The following FRMD3 variants were observed in gnomAD, a reference collection of about 807,000 sequenced individuals.
FRMD3 encodes FERM domain-containing protein 3.
Under a neutral mutation model 70.2 loss-of-function variants are expected in FRMD3, and 33 were observed. That is an observed-to-expected ratio of 0.47 (90% CI 0.36 to 0.63). The LOEUF is 0.63. Ranked by LOEUF, FRMD3 falls within the 20% of genes least tolerant of loss-of-function variation. The pLI, the probability that FRMD3 is intolerant of heterozygous loss-of-function variation, is 0.00. For missense variants in FRMD3, 632 were observed against 711.4 expected, an observed-to-expected ratio of 0.89 and a Z score of 1.27; for synonymous variants, 279 against 255.9, an observed-to-expected ratio of 1.09 and a Z score of -0.86.
intron 3 of FRMD3, among the ~76,000 whole-genome samples, chr9:83,358,672 G>GTATTTATTTATTTATTTATT (rs34830442): frequency 7.0e-6 from 1 of 142,966 alleles, no homozygotes; most frequent in Non-Finnish European, 1.5e-5. Context: ...ATATTCTTAA[G>GTATTTATTTATTTATTTATT]TATTTATTTA....
intron 13 of FRMD3, among the ~76,000 whole-genome samples, chr9:83,280,661 G>A (rs1417861578): frequency 6.6e-6 from 1 of 151,912 alleles, no homozygotes; most frequent in Non-Finnish European, 1.5e-5. Flanking sequence ...CTTCTTTTGG[G>A]GAAAAAATAT....
rs1358996852 is a variant in FRMD3 at position 83,538,337 on chromosome 9, C to T, written c.-106G>A. 1.9e-5 allele frequency: 21 copies of T among 1,117,730 alleles called. No homozygotes were observed. Among genetic ancestry groups the T allele is most frequent in the Non-Finnish European group, 2.4e-5 (21 of 862,490 alleles). 69.2% of individuals were successfully genotyped at this position (1,117,730 alleles called of 1,614,324 possible). On this transcript the variant is annotated 5_prime_UTR_variant, in exon 1 of 14. It removes the in-frame stop codon of an upstream open reading frame in the 5' UTR. Coordinates refer to ENST00000304195, the MANE Select transcript of FRMD3 (RefSeq NM_174938.6). This position sits in a 1 kb window ranked among gnomAD's most constrained non-coding sequence, Gnocchi z 4.7. ...CTGTCCGGGACACCTGGGCGCGGCT[C>T]AGCCCCGGGACATCGGCAGCGTCGG... is the stretch of plus-strand genomic sequence containing the variant.
At chr9:83,439,837 A>G (rs1221991813) in intron 1 of FRMD3, among the ~76,000 whole-genome samples, 3 of 152,258 alleles carry the variant, frequency 2.0e-5, no homozygotes, top group Admixed American at 6.5e-5. Flanking sequence ...AGCAGTAAGC[A>G]GTAAGTAAAC....
chr9:83,507,712 A>C (rs1829227480), intron 1 of FRMD3, among the ~76,000 whole-genome samples: 1 of 102,380 alleles, frequency 9.8e-6, no homozygotes, highest in Admixed American at 1.0e-4. Context: ...ATATATATAT[A>C]TATATATATA....
the FRMD3 span, among the ~76,000 whole-genome samples, chr9:83,554,341 G>A: frequency 6.6e-6 from 1 of 152,216 alleles, no homozygotes; most frequent in African/African-American, 2.4e-5. Context: ...GCTCACTGCA[G>A]CTCTGGTGTG....
intron 13 of FRMD3, among the ~76,000 whole-genome samples, chr9:83,274,897 A>G (rs1368594697): frequency 6.6e-6 from 1 of 152,202 alleles, no homozygotes; most frequent in Non-Finnish European, 1.5e-5. Context: ...CTTCTGAGAT[A>G]GAATTCATAG....
chr9:83,373,660 G>C (rs1825052967), intron 2 of FRMD3, among the ~76,000 whole-genome samples: 1 of 100,886 alleles, frequency 9.9e-6, no homozygotes, highest in South Asian at 3.0e-4. Flanking sequence ...ACTTCGACAT[G>C]CTGAGAGCTG....
intron 6 of FRMD3, among the ~76,000 whole-genome samples, chr9:83,316,148 CTTTTTTTTTTTTCTT>C (rs1348714976): frequency 7.4e-6 from 1 of 134,502 alleles, no homozygotes; most frequent in East Asian, 2.1e-4. Context: ...TCTTTTTTCT[CTTTTTTTTTTTTCTT>C]TTTTTTTTTT....
chr9:83,258,379 CA>C (rs1270657925), intron 13 of FRMD3, among the ~76,000 whole-genome samples: 1 of 152,238 alleles, frequency 6.6e-6, no homozygotes, highest in Admixed American at 6.5e-5. Flanking sequence ...CAACAGAATC[CA>C]AATGCTACAG....
intron 1 of FRMD3, among the ~76,000 whole-genome samples, chr9:83,437,939 G>A (rs1314274913): frequency 6.6e-6 from 1 of 152,132 alleles, no homozygotes. Flanking sequence ...GAGAGTGCAG[G>A]ATAAAAAGAG....
intron 2 of FRMD3, among the ~76,000 whole-genome samples, chr9:83,379,543 A>G (rs890844591): frequency 1.3e-5 from 2 of 152,190 alleles, no homozygotes; most frequent in African/African-American, 4.8e-5. Flanking sequence ...TCCAAAGGCT[A>G]TAAGAAAGCT....
chr9:83,283,723 G>T (rs981677323), intron 13 of FRMD3, among the ~76,000 whole-genome samples: 2 of 152,126 alleles, frequency 1.3e-5, no homozygotes, highest in Admixed American at 1.3e-4. Flanking sequence ...AGCAGCTGGA[G>T]ACTATAGATG....
In FRMD3 at chr9:83,347,515, A is replaced by C. The variant is rs572817281; in HGVS notation, c.374+2164T>G. Among the ~76,000 whole-genome samples the C allele has an allele frequency of 3.9e-5, 6 of 152,352 alleles. No individual in the cohort carries two copies. The South Asian group carries it at 1.2e-3, about 32-fold the overall frequency. On this transcript the variant is annotated intron_variant, in intron 4 of 13. Coordinates refer to ENST00000304195, the MANE Select transcript of FRMD3 (RefSeq NM_174938.6). Reference sequence around the variant, plus strand: ...ACATTCAATTGTATAGAGCATTTACAAAAGCCCCAGAAATCTAAAGGATTG... The same window carrying C: ...ACATTCAATTGTATAGAGCATTTACCAAAGCCCCAGAAATCTAAAGGATTG...
chr9:83,450,755 C>T (rs1827630205), intron 1 of FRMD3, among the ~76,000 whole-genome samples: 1 of 152,112 alleles, frequency 6.6e-6, no homozygotes, highest in African/African-American at 2.4e-5. Flanking sequence ...GAAAACAAAA[C>T]CATTAAACTC....
At chr9:83,541,313 C>A (rs1829996958), upstream of FRMD3, among the ~76,000 whole-genome samples, 1 of 152,344 alleles carries the variant, frequency 6.6e-6, no homozygotes, top group South Asian at 2.1e-4. Flanking sequence ...CATTTGAATT[C>A]ACTTCCCAAT....
At chr9:83,356,945 T>C (rs1441939659) in intron 3 of FRMD3, among the ~76,000 whole-genome samples, 1 of 151,650 alleles carries the variant, frequency 6.6e-6, no homozygotes, top group Non-Finnish European at 1.5e-5. Context: ...TTATGCCTTG[T>C]AGCTTAGCTC....
chr9:83,535,543 A>G (rs531993571), intron 1 of FRMD3, among the ~76,000 whole-genome samples: 31 of 152,108 alleles, frequency 2.0e-4, no homozygotes, highest in Middle Eastern at 3.4e-3. Context: ...CATCCAACCC[A>G]TGGCCCAGGA....
At chr9:83,335,931 G>A (rs571284348) in intron 5 of FRMD3, among the ~76,000 whole-genome samples, 1 of 152,114 alleles carries the variant, frequency 6.6e-6, no homozygotes, top group South Asian at 2.1e-4. Flanking sequence ...GCATTTTGAG[G>A]GCTGAACAAT....
At chr9:83,553,814 A>G in the FRMD3 span, among the ~76,000 whole-genome samples, 702 of 152,286 alleles carry the variant, frequency 4.6e-3, 6 homozygotes, top group African/African-American at 0.016. Flanking sequence ...CTGAATCTCA[A>G]TGATATTTGT....
Sources: gnomAD v4.1 joint callset for allele counts (sites outside exome capture counted in the v4.1 genomes callset) on GRCh38, gnomAD v4.1.1 for gene constraint, Gnocchi (gnomAD v3.1) non-coding constraint, MANE v1.5 for transcripts, NCBI Gene and HGNC (gene_info 2026-07-23, HGNC 2026-07-21) for gene names.